RPL3L: variants seen among roughly 807,000 people sequenced by gnomAD.
RPL3L encodes the protein ribosomal protein uL3-like.
A neutral mutation model predicts 44.5 loss-of-function variants in RPL3L; 44 were observed. That is an observed-to-expected ratio of 0.99 (90% CI 0.78 to 1.27). The LOEUF (loss-of-function observed/expected upper bound fraction) is 1.27, where lower values mean the gene tolerates loss of function less well. RPL3L is among the 50% of genes most tolerant of loss of function. The pLI is 0.00. For synonymous variants in RPL3L, 292 were observed against 230.7 expected, an observed-to-expected ratio of 1.27 and a Z score of -2.41; for missense variants, 631 against 569.1, an observed-to-expected ratio of 1.11 and a Z score of -1.11.
Position 1,947,106 on chromosome 16 carries a change from T to C in RPL3L, c.689-8A>G. 3 of 1,613,246 alleles carry C rather than the reference T, an allele frequency of 1.9e-6. No individual in the cohort carries two copies. The highest frequency in any genetic ancestry group is 2.5e-6 in the Non-Finnish European group (3 of 1,179,908). On this transcript the variant is annotated splice_polypyrimidine_tract_variant and splice_region_variant and intron_variant, in intron 5 of 9. Coordinates refer to ENST00000268661, the MANE Select transcript of RPL3L (RefSeq NM_005061.3). ...GCCAGCGGCTTGTGACCCCTGTGAGTGAGAGGGGCTGGTGGCTGAGAGGCC... is the reference window on the plus strand; with the variant it reads ...GCCAGCGGCTTGTGACCCCTGTGAGCGAGAGGGGCTGGTGGCTGAGAGGCC...
At position 1,954,214 on chromosome 16, in the gene RPL3L, G is replaced by C. The variant is rs1022925506; in HGVS notation, c.4-66C>G. 7.0e-6 allele frequency: 10 copies of C among 1,421,080 alleles called. No homozygotes were observed. In the East Asian group the frequency reaches 2.1e-4, roughly 30 times the overall value. The allele number at this position is 1,421,080 out of a possible 1,614,324, so 88.0% of individuals were successfully genotyped here. ...CTGGTGGTAGAGCTGGATGGTCCCA[G>C]AACCCATACCTGGAGAAATGGACTA... On this transcript the variant is annotated intron_variant, in intron 1 of 9. Coordinates refer to ENST00000268661, the MANE Select transcript of RPL3L (RefSeq NM_005061.3).
intron 2 of RPL3L, among the ~76,000 whole-genome samples, 176 bp downstream of exon 2, chr16:1,953,780 T>G (rs550043980): frequency 6.6e-6 from 1 of 152,334 alleles, no homozygotes; most frequent in African/African-American, 2.4e-5. Context: ...GCTGGGGCCA[T>G]GACAGAACCC....
At position 1,952,907 on chromosome 16, in the gene RPL3L, C is replaced by T; in HGVS notation, c.332G>A (p.Ser111Asn). The change falls in exon 3 of 10, where the codon AGT becomes AAT. Residue 111 changes from serine to asparagine, a missense_variant. By Grantham distance (46) the Ser-to-Asn change is conservative. Transcript: ENST00000268661. ...GTAGAATCGGCGCCGGCACTCATCA[C>T]TGAGGTGTTCTGCAAAGATGGTCTT... ...SFKTIFAEHL[S>N]DECRRRFYKD... 1 of 1,614,026 alleles carries T rather than the reference C, an allele frequency of 6.2e-7. No homozygotes were observed. Among genetic ancestry groups the T allele is most frequent in the Non-Finnish European group, 8.5e-7 (1 of 1,180,014 alleles).
chr16:1,949,327 C>T (rs1292881288), intron 4 of RPL3L, among the ~76,000 whole-genome samples: 2 of 127,040 alleles, frequency 1.6e-5, no homozygotes, highest in African/African-American at 6.1e-5. Context: ...GATCTTGGCT[C>T]ACTGCAACCT....
rs1248095110 is a variant in RPL3L, at chr16:1,952,960, C to T, written c.279G>A (p.Val93=). The T allele has an allele frequency of 1.9e-5, 31 of 1,613,628 alleles. No individual in the cohort carries two copies. Among genetic ancestry groups the T allele is most frequent in the Non-Finnish European group, 2.5e-5 (29 of 1,179,882 alleles). The change falls in exon 3 of 10, where the codon GTG becomes GTA. Residue 93 remains valine (V), a synonymous_variant. Transcript: ENST00000268661. ...AGCTCCGGAGACCTCGAGGGGTGGC[C>T]ACGTAGCCCACCACGCCCACCACCA... ...PLVVVGVVGY[V]ATPRGLRSFK... is the part of the protein sequence containing the mutation.
chr16:1,954,579 C>G lies in RPL3L; in HGVS notation c.3+50G>C, dbSNP rs183423878. On this transcript the variant is annotated intron_variant, in intron 1 of 9. Transcript: ENST00000268661. ...CCAGAAGCCCAGCTGTCCCACCCCCCCAGAGTTCCAGCTCCAACCCCAGCC... is the reference window on the plus strand; with the variant it reads ...CCAGAAGCCCAGCTGTCCCACCCCCGCAGAGTTCCAGCTCCAACCCCAGCC... 482 of 1,528,822 alleles carry G rather than the reference C, an allele frequency of 3.2e-4. 4 individuals carry two copies. In the East Asian group the frequency reaches 8.4e-3, roughly 27 times the overall value. 94.7% of individuals were successfully genotyped at this position (1,528,822 alleles called of 1,614,324 possible).
In RPL3L at chr16:1,947,344, T is replaced by C. The variant is rs926901161; in HGVS notation, c.538A>G (p.Ile180Val). 3.1e-6 allele frequency: 5 copies of C among 1,604,764 alleles called. No homozygotes were observed. Among genetic ancestry groups the C allele is most frequent in the Non-Finnish European group, 4.2e-6 (5 of 1,176,534 alleles). The change falls in exon 5 of 10, where the codon ATC (isoleucine) becomes GTC (valine). Residue 180 changes from isoleucine (I) to valine (V), a missense_variant. Transcript: ENST00000268661. ...LLPFRQKKAH[I>V]MEIQLNGGTV... is the part of the protein sequence containing the mutation. ...CCACCGTTCAGCTGGATCTCCATGATGTGGGCCTTCTTCTGCCGGAAGGGC... is the reference window on the plus strand; with the variant it reads ...CCACCGTTCAGCTGGATCTCCATGACGTGGGCCTTCTTCTGCCGGAAGGGC...
intron 2 of RPL3L, among the ~76,000 whole-genome samples, chr16:1,953,692 T>A (rs936497968): frequency 1.3e-5 from 2 of 152,228 alleles, no homozygotes; most frequent in Admixed American, 6.5e-5. Flanking sequence ...GGCCTTTGAA[T>A]CCTAGCTCCT....
intron 4 of RPL3L, among the ~76,000 whole-genome samples, chr16:1,947,846 C>T (rs918439137): frequency 2.0e-5 from 3 of 151,700 alleles, no homozygotes; most frequent in Admixed American, 6.6e-5. Context: ...CCAGTGTGGG[C>T]AGACGGTGGG....
Position 1,953,961 on chromosome 16 carries a change from C to A in RPL3L, c.191G>T (p.Gly64Val). The A allele has an allele frequency of 6.5e-7, 1 of 1,532,498 alleles. No homozygotes were observed. Among genetic ancestry groups the A allele is most frequent in the Non-Finnish European group, 8.8e-7 (1 of 1,134,078 alleles). The allele number at this position is 1,532,498 out of a possible 1,614,324, so 94.9% of individuals were successfully genotyped here. A position where few individuals can be genotyped will look rare whatever the true frequency, so the allele number is the denominator to read the frequency against. Reference sequence around the variant, plus strand: ...GGGTCCCAACTGTGACTCACTGAGCCCCGGCCGGTGCACCTCCCGCAGGGT... The same window carrying A: ...GGGTCCCAACTGTGACTCACTGAGCACCGGCCGGTGCACCTCCCGCAGGGT... ...THTLREVHRP[G>V]LKISKREEVE... Residue 64 changes from glycine to valine, a missense_variant, in exon 2 of 10, where the codon GGG becomes GTG. Transcript: ENST00000268661.
At chr16:1,949,288 C>CT (rs2083152034) in intron 4 of RPL3L, among the ~76,000 whole-genome samples, 2 of 89,490 alleles carry the variant, frequency 2.2e-5, no homozygotes, top group South Asian at 3.8e-4. Context: ...TTTTGAGACT[C>CT]TATCGCCCGG....
chr16:1,947,018 A>T lies in RPL3L; in HGVS notation c.769T>A (p.Trp257Arg), dbSNP rs1263383714. The T allele has an allele frequency of 1.7e-5, 28 of 1,612,274 alleles. No homozygotes were observed. The highest frequency in any genetic ancestry group is 2.4e-5 in the Non-Finnish European group (28 of 1,179,716). The change falls in exon 6 of 10, where the codon TGG becomes AGG. Residue 257 changes from tryptophan to arginine, a missense_variant. Coordinates refer to ENST00000268661, the MANE Select transcript of RPL3L (RefSeq NM_005061.3). ...GLRKVACIGA[W>R]HPARVGCSIA... ...GAGCAGCCCACGCGGGCGGGGTGCC[A>T]GGCGCCAATGCAGGCCACCTTGCGC... is the stretch of plus-strand genomic sequence containing the variant.
At chr16:1,945,733 C>T in intron 8 of RPL3L, 102 bp downstream of exon 8, 1 of 1,602,778 alleles carries the variant, frequency 6.2e-7, no homozygotes, top group Non-Finnish European at 8.5e-7. Context: ...AGAGCCCTCC[C>T]CTTCTGCTCC....
intron 9 of RPL3L, 37 bp downstream of exon 9, chr16:1,945,462 C>T (rs750739157): frequency 1.3e-6 from 2 of 1,585,340 alleles, no homozygotes; most frequent in East Asian, 2.3e-5. Context: ...GGAGCTGGAG[C>T]CCCAGAGAAG....
chr16:1,948,287 G>A (rs551138689), intron 4 of RPL3L, among the ~76,000 whole-genome samples: 28 of 151,796 alleles, frequency 1.8e-4, no homozygotes, highest in South Asian at 8.3e-4. Context: ...ACAGTGGGGC[G>A]ATCTCGGCTC....
Position 1,953,272 on chromosome 16 carries a change from T to G in RPL3L, c.197-230A>C, listed in dbSNP as rs150650499. Among the ~76,000 whole-genome samples the G allele has an allele frequency of 6.1e-3, 931 of 152,364 alleles. 6 individuals carry two copies. Among genetic ancestry groups the G allele is most frequent in the African/African-American group, 0.022 (901 of 41,590 alleles). ...TCTCACTCTGTCACCCAGGCTGCAA[T>G]GCAGTGGTGCAATCATAGCTCACTG... On this transcript the variant is annotated intron_variant, in intron 2 of 9. Coordinates refer to ENST00000268661, the MANE Select transcript of RPL3L (RefSeq NM_005061.3).
chr16:1,946,703 C>T lies in RPL3L; in HGVS notation c.873G>A (p.Pro291=), dbSNP rs376729938. 1.3e-4 allele frequency: 217 copies of T among 1,612,396 alleles called. No individual in the cohort carries two copies. Among genetic ancestry groups the T allele is most frequent in the African/African-American group, 1.9e-4 (14 of 74,950 alleles). Residue 291 remains proline (P), a synonymous_variant, in exon 7 of 10, where the codon CCG becomes CCA. Coordinates refer to ENST00000268661, the MANE Select transcript of RPL3L (RefSeq NM_005061.3). The stretch of plus-strand genomic sequence containing the variant: ...TCACCAGCTTCCCGTCCTCCATGTG[C>T]GGGCCCCTGCCGATGCGGAAGATCT... ...NKKIFRIGRG[P]HMEDGKLVKN...
intron 4 of RPL3L, among the ~76,000 whole-genome samples, chr16:1,948,739 G>A (rs372465398): frequency 2.2e-4 from 32 of 148,458 alleles, no homozygotes; most frequent in East Asian, 1.0e-3. Context: ...TTTTTGAGAC[G>A]GAGTTTTGCT....
chr16:1,949,770 A>G (rs1597027789), intron 4 of RPL3L, among the ~76,000 whole-genome samples: 1 of 56,764 alleles, frequency 1.8e-5, no homozygotes, highest in Non-Finnish European at 3.1e-5. Context: ...TGTAGGGGGC[A>G]GGTATGTAGG....
Sources: allele counts gnomAD v4.1 joint callset (sites outside exome capture counted in the v4.1 genomes callset), GRCh38; gene constraint gnomAD v4.1.1; transcripts MANE v1.5; gene names NCBI Gene and HGNC (gene_info 2026-07-23, HGNC 2026-07-21).